Variants in GYS1 observed in about 807,000 individuals in gnomAD.
GYS1 encodes glycogen [starch] synthase, muscle.
In GYS1, 60 loss-of-function variants were observed where a neutral mutation model predicts 89.1. The observed-to-expected ratio is 0.67, with a 90% CI of 0.55 to 0.84. The LOEUF (loss-of-function observed/expected upper bound fraction) is 0.84. Ranked by LOEUF, GYS1 falls within the 40% of genes least tolerant of loss-of-function variation. GYS1 has a pLI of 0.00. For synonymous variants in GYS1, 366 were observed against 401.7 expected, an observed-to-expected ratio of 0.91 and a Z score of 1.06; for missense variants, 888 against 1,003.1, an observed-to-expected ratio of 0.89 and a Z score of 1.55.
At chr19:48,986,484 A>G (rs181565416) in intron 3 of GYS1, among the ~76,000 whole-genome samples, 7 of 150,994 alleles carry the variant, frequency 4.6e-5, no homozygotes, top group Non-Finnish European at 8.8e-5. Context: ...TGAGAAATTA[A>G]GCTTCTTTTT....
chr19:48,987,293 T>C lies in GYS1; in HGVS notation c.393A>G (p.Gly131=). The change falls in exon 3 of 16, where the codon GGA becomes GGG. Residue 131 remains glycine (G), a synonymous_variant. Coordinates refer to ENST00000323798, the MANE Select transcript of GYS1 (RefSeq NM_002103.5). ...ASAWALERWK[G]ELWDTCNIGV... ...CGATGTTGCAGGTATCCCAGAGCTC[T>C]CCCTTCCAGCGCTCCAGGGCCCAAG... 6.2e-7 allele frequency: 1 copy of C among 1,612,570 alleles called. No individual in the cohort carries two copies. The highest frequency in any genetic ancestry group is 1.1e-5 in the South Asian group (1 of 90,690).
intron 12 of GYS1, 102 bp from the exon 13 acceptor site, chr19:48,971,125 A>G: frequency 1.2e-6 from 1 of 816,162 alleles, no homozygotes; most frequent in Non-Finnish European, 2.2e-6. Context: ...GCCTGTACCA[A>G]GTGCCAGGCG....
At chr19:48,981,306 G>C (rs867957813) in intron 8 of GYS1, 1 of 524,148 alleles carries the variant, frequency 1.9e-6, no homozygotes, top group Admixed American at 3.0e-5. Context: ...CCAGCTACTC[G>C]AGAGGCTGAG....
In GYS1 at chr19:48,970,622, C is replaced by T; in HGVS notation, c.1733G>A (p.Ser578Asn). 6.2e-7 allele frequency: 1 copy of T among 1,613,996 alleles called. No individual in the cohort carries two copies. Among genetic ancestry groups the T allele is most frequent in the African/African-American group, 1.3e-5 (1 of 75,040 alleles). ...TSFLYSFCQQ[S>N]RRQRIIQRNR... is the part of the protein sequence containing the mutation. ...CCGCTGGATGATACGCTGCCGCCGG[C>T]TCTGCTGACAGAAACTGTAGAGGAA... Residue 578 changes from serine (S) to asparagine (N), a missense_variant, in exon 14 of 16, where the codon AGC becomes AAC. Ser to Asn is a conservative substitution (Grantham distance 46, BLOSUM62 1). Coordinates refer to ENST00000323798, the MANE Select transcript of GYS1 (RefSeq NM_002103.5).
chr19:48,977,737 G>A (rs773816318), intron 10 of GYS1, among the ~76,000 whole-genome samples, 187 bp downstream of exon 10: 1 of 151,988 alleles, frequency 6.6e-6, no homozygotes, highest in Non-Finnish European at 1.5e-5. Context: ...TAAGTGCCTC[G>A]CCTCCAGCAA....
rs1285517539 is a variant in GYS1 at position 48,991,500 on chromosome 19, G to A, written c.119-17C>T. 3.1e-6 allele frequency: 5 copies of A among 1,612,962 alleles called. No homozygotes were observed. The highest frequency in any genetic ancestry group is 1.7e-5 in the Admixed American group (1 of 59,964). ...TGCCACCCACTGTGGGCCCAAGCGT[G>A]TGAGGGCAGGCCCCGGCCGAGGTCC... On this transcript the variant is annotated splice_polypyrimidine_tract_variant and intron_variant, in intron 1 of 15. Transcript: ENST00000323798. This position sits in a 1 kb window ranked among gnomAD's most constrained non-coding sequence, Gnocchi z 4.7.
intron 10 of GYS1, among the ~76,000 whole-genome samples, chr19:48,975,341 T>C (rs1002383707): frequency 6.6e-6 from 1 of 150,706 alleles, no homozygotes; most frequent in Non-Finnish European, 1.5e-5. Context: ...CCCGAAGTGC[T>C]GGGATTACAG....
chr19:48,982,504 G>A, intron 6 of GYS1, 129 bp from the exon 7 acceptor site: 1 of 1,017,654 alleles, frequency 9.8e-7, no homozygotes, highest in Non-Finnish European at 1.5e-6. Context: ...GGCATCACGG[G>A]GCCTCCTGGG....
chr19:48,974,580 C>G, intron 11 of GYS1, 40 bp downstream of exon 11: 1 of 1,391,416 alleles, frequency 7.2e-7, no homozygotes, highest in Non-Finnish European at 1.0e-6. Flanking sequence ...AACCCCTTCC[C>G]TCTGCCGTGC....
rs545119451 is a variant in GYS1, at chr19:48,984,158, C to T, written c.823+1303G>A. ...GGTGGCTGGGATTACAGGCGCCTGC[C>T]ACCATGCCCACCTAATTTTTGTATT... On this transcript the variant is annotated intron_variant, in intron 5 of 15. Coordinates refer to ENST00000323798, the MANE Select transcript of GYS1 (RefSeq NM_002103.5). Among the ~76,000 whole-genome samples, 7 of 151,918 alleles carry T rather than the reference C, an allele frequency of 4.6e-5. No homozygotes were observed. In the South Asian group the frequency reaches 1.5e-3, roughly 32 times the overall value.
At chr19:48,972,048 AG>A (rs2038573406) in intron 12 of GYS1, among the ~76,000 whole-genome samples, 1 of 150,656 alleles carries the variant, frequency 6.6e-6, no homozygotes, top group Non-Finnish European at 1.5e-5. Context: ...AAAAAAAAAA[AG>A]GCCGGGCACG....
At chr19:48,980,928 A>G (rs2038750696) in intron 8 of GYS1, among the ~76,000 whole-genome samples, 1 of 151,036 alleles carries the variant, frequency 6.6e-6, no homozygotes, top group African/African-American at 2.4e-5. Flanking sequence ...CAGCCTGGCC[A>G]ATATAGTGAA....
intron 8 of GYS1, among the ~76,000 whole-genome samples, chr19:48,979,557 G>A (rs1305090425): frequency 1.3e-5 from 2 of 150,120 alleles, no homozygotes; most frequent in Admixed American, 6.7e-5. Flanking sequence ...GGCTGATCTC[G>A]AACTCCTGAC....
rs759164693 is a variant in GYS1, at chr19:48,982,687, C to G, written c.941+33G>C. The stretch of plus-strand genomic sequence containing the variant: ...AGATGGTTAGGCTCCCAACGCCCTC[C>G]TCTCTTAAGACCTAGGTATATGCCC... On this transcript the variant is annotated intron_variant, in intron 6 of 15. Transcript: ENST00000323798. 9.9e-6 allele frequency: 14 copies of G among 1,420,708 alleles called. No homozygotes were observed. In the African/African-American group the frequency reaches 1.4e-4, roughly 14 times the overall value. 88.0% of individuals were successfully genotyped at this position (1,420,708 alleles called of 1,614,324 possible). A position where few individuals can be genotyped will look rare whatever the true frequency, so the allele number is the denominator to read the frequency against.
intron 10 of GYS1, among the ~76,000 whole-genome samples, chr19:48,976,952 C>T (rs142693521): frequency 6.6e-6 from 1 of 152,096 alleles, no homozygotes; most frequent in African/African-American, 2.4e-5. Flanking sequence ...CTATGCCCAG[C>T]TCATTTTTGT....
rs762407831 is a variant in GYS1 at position 48,968,685 on chromosome 19, G to A, written c.*603C>T. On this transcript the variant is annotated 3_prime_UTR_variant, in exon 16 of 16. Coordinates refer to ENST00000323798, the MANE Select transcript of GYS1 (RefSeq NM_002103.5). ...AGGGGATGACAGGAGCCGGATGGAG[G>A]GATCCTCCAGGCAGAGCCTGGCTCT... 3 of 453,986 alleles carry A rather than the reference G, an allele frequency of 6.6e-6. No homozygotes were observed. The highest frequency in any genetic ancestry group is 3.1e-5 in the South Asian group (2 of 64,478). 28.1% of individuals were successfully genotyped at this position (453,986 alleles called of 1,614,324 possible).
intron 10 of GYS1, among the ~76,000 whole-genome samples, chr19:48,976,367 G>T (rs1177442277): frequency 6.6e-6 from 1 of 152,108 alleles, no homozygotes; most frequent in Non-Finnish European, 1.5e-5. Flanking sequence ...CTGGACAAGG[G>T]AAGCGTCAAT....
intron 7 of GYS1, 82 bp downstream of exon 7, chr19:48,982,173 G>T: frequency 7.1e-7 from 1 of 1,416,872 alleles, no homozygotes; most frequent in Non-Finnish European, 9.9e-7. Context: ...GATTACAGGT[G>T]TGAGCCACTG....
chr19:48,979,302 TTTTC>T (rs562385124), intron 8 of GYS1, among the ~76,000 whole-genome samples: 28 of 150,950 alleles, frequency 1.9e-4, no homozygotes, highest in South Asian at 8.4e-4. Flanking sequence ...CCTCATTTAT[TTTTC>T]TTTCTTTGTC....
Sources: gnomAD v4.1 joint callset for allele counts (sites outside exome capture counted in the v4.1 genomes callset) on GRCh38, gnomAD v4.1.1 for gene constraint, Gnocchi (gnomAD v3.1) non-coding constraint, MANE v1.5 for transcripts, NCBI Gene and HGNC (gene_info 2026-07-23, HGNC 2026-07-21) for gene names.